SLC30A8: variants seen among roughly 807,000 people sequenced by gnomAD.
SLC30A8 encodes the protein proton-coupled zinc antiporter SLC30A8.
In SLC30A8, 27 loss-of-function variants were observed where a neutral mutation model predicts 36.9. The observed-to-expected ratio is 0.73, with a 90% CI of 0.54 to 1.01. The LOEUF is 1.01. SLC30A8 is among the 50% of genes least tolerant of loss of function. The pLI is 0.00. For synonymous variants in SLC30A8, 164 were observed against 172.4 expected (o/e 0.95, Z 0.38); for missense variants, 439 against 452.0 (o/e 0.97, Z 0.26).
chr8:117,015,452 G>T (rs1421913666), intron 1 of SLC30A8, among the ~76,000 whole-genome samples: 2 of 151,746 alleles, frequency 1.3e-5, no homozygotes, highest in East Asian at 3.8e-4. Flanking sequence ...AAAATATCTG[G>T]TTCATCTTTG....
chr8:117,064,884 C>T (rs114359404), intron 2 of SLC30A8, among the ~76,000 whole-genome samples: 1,781 of 152,194 alleles, frequency 0.012, 51 homozygotes, highest in African/African-American at 0.041. Flanking sequence ...TGGCACTGTT[C>T]GATTTATTGA....
intron 1 of SLC30A8, among the ~76,000 whole-genome samples, chr8:116,958,209 G>A (rs1416959815): frequency 1.3e-5 from 2 of 152,136 alleles, no homozygotes; most frequent in Non-Finnish European, 2.9e-5. Context: ...GCAGGGGTGC[G>A]GTCAACATTG....
At chr8:117,140,157 A>C (rs1464042364) in intron 1 of SLC30A8, among the ~76,000 whole-genome samples, 1 of 152,138 alleles carries the variant, frequency 6.6e-6, no homozygotes, top group Non-Finnish European at 1.5e-5. Flanking sequence ...GGCAGAAGAA[A>C]GAATCACTGA....
chr8:117,015,549 A>C (rs964308803), intron 1 of SLC30A8, among the ~76,000 whole-genome samples: 7 of 148,136 alleles, frequency 4.7e-5, no homozygotes, highest in East Asian at 2.0e-4. Flanking sequence ...CCCCCCCCCC[A>C]AAAAAAAGAG....
At chr8:117,111,762 G>T (rs540834679) in intron 2 of SLC30A8, among the ~76,000 whole-genome samples, 3 of 152,266 alleles carry the variant, frequency 2.0e-5, no homozygotes, top group African/African-American at 7.2e-5. Context: ...AGTCGACCTG[G>T]AGGAAGCCAC....
chr8:117,044,364 C>T (rs1413524322), intron 2 of SLC30A8, among the ~76,000 whole-genome samples: 1 of 152,152 alleles, frequency 6.6e-6, no homozygotes, highest in East Asian at 1.9e-4. Flanking sequence ...TGATGTTATT[C>T]TCTGCAAAAG....
chr8:117,125,670 A>G (rs1820873686), intron 2 of SLC30A8, among the ~76,000 whole-genome samples: 1 of 152,004 alleles, frequency 6.6e-6, no homozygotes, highest in African/African-American at 2.4e-5. Context: ...GAATGATAAA[A>G]TGGAAAAATA....
Position 117,124,728 on chromosome 8 carries a change from T to C in SLC30A8, c.-225-10552T>C, listed in dbSNP as rs112146096. ...ATCAAATACTGTGTGTTCTCACTTA[T>C]AAGTGGGAGCTAAACATTGAGCACA... is the stretch of plus-strand genomic sequence containing the variant. On this transcript the variant is annotated intron_variant, in intron 2 of 10. Coordinates refer to the SLC30A8 transcript ENST00000427715. Among the ~76,000 whole-genome samples the C allele has an allele frequency of 3.4e-3, 463 of 136,336 alleles. 1 individual carries two copies. Among genetic ancestry groups the C allele is most frequent in the African/African-American group, 0.015 (445 of 29,448 alleles). 89.4% of individuals were successfully genotyped at this position (136,336 alleles called of 152,430 possible).
At chr8:117,109,297 A>G (rs189316621) in intron 2 of SLC30A8, among the ~76,000 whole-genome samples, 1 of 152,278 alleles carries the variant, frequency 6.6e-6, no homozygotes, top group East Asian at 1.9e-4. Flanking sequence ...GAAAAGGAGG[A>G]AATAGTGATG....
At chr8:117,071,973 A>G (rs1818345697) in intron 2 of SLC30A8, among the ~76,000 whole-genome samples, 1 of 151,896 alleles carries the variant, frequency 6.6e-6, no homozygotes, top group Non-Finnish European at 1.5e-5. Flanking sequence ...CTGCGTTCTA[A>G]GAGCCTAACT....
At chr8:116,975,382 C>A (rs1436196096) in intron 1 of SLC30A8, among the ~76,000 whole-genome samples, 1 of 152,048 alleles carries the variant, frequency 6.6e-6, no homozygotes, top group Admixed American at 6.6e-5. Context: ...TTAATACATA[C>A]CCTAGTTAAT....
At chr8:117,037,506 C>T (rs985232118) in intron 1 of SLC30A8, among the ~76,000 whole-genome samples, 2 of 152,078 alleles carry the variant, frequency 1.3e-5, no homozygotes, top group East Asian at 1.9e-4. Context: ...TACCACTGCC[C>T]CCCTCACCCA....
At chr8:117,059,673 G>A (rs759129111) in intron 2 of SLC30A8, among the ~76,000 whole-genome samples, 7 of 152,196 alleles carry the variant, frequency 4.6e-5, no homozygotes, top group African/African-American at 7.2e-5. Context: ...ACGATAGATC[G>A]TAGTGGTGGA....
At chr8:116,950,496 T>A (rs2130565854), upstream of SLC30A8, 1 of 152,358 alleles carries the variant, frequency 6.6e-6, no homozygotes, top group Non-Finnish European at 1.5e-5. Context: ...GCCATTTTGT[T>A]TTTTGGCAAC....
At chr8:117,035,790 G>A (rs1452133481) in intron 1 of SLC30A8, among the ~76,000 whole-genome samples, 2 of 152,298 alleles carry the variant, frequency 1.3e-5, no homozygotes, top group East Asian at 3.9e-4. Flanking sequence ...CTTGAATTCT[G>A]TGTACTGGAA....
At chr8:116,988,808 C>T (rs942287694) in intron 1 of SLC30A8, among the ~76,000 whole-genome samples, 1 of 152,204 alleles carries the variant, frequency 6.6e-6, no homozygotes, top group Admixed American at 6.5e-5. Context: ...ACATTGGCAA[C>T]TATACTTGCC....
At chr8:117,170,341 T>C (rs1266554787) in intron 6 of SLC30A8, among the ~76,000 whole-genome samples, 2 of 152,154 alleles carry the variant, frequency 1.3e-5, no homozygotes, top group Non-Finnish European at 2.9e-5. Context: ...GTGTTGTTTG[T>C]ACATAACTGA....
chr8:117,015,699 A>G (rs1042599852), intron 1 of SLC30A8, among the ~76,000 whole-genome samples: 3 of 152,064 alleles, frequency 2.0e-5, no homozygotes, highest in Non-Finnish European at 4.4e-5. Flanking sequence ...CTGTCTTAGG[A>G]TCAGTGTTTG....
chr8:117,111,672 T>C (rs1388540615), intron 2 of SLC30A8, among the ~76,000 whole-genome samples: 1 of 152,114 alleles, frequency 6.6e-6, no homozygotes, highest in African/African-American at 2.4e-5. Context: ...CCACTGGCGC[T>C]GCAAAGCTAC....
Sources: gnomAD v4.1 joint callset for allele counts (sites outside exome capture counted in the v4.1 genomes callset) on GRCh38, gnomAD v4.1.1 for gene constraint, MANE v1.5 for transcripts, NCBI Gene and HGNC (gene_info 2026-07-23, HGNC 2026-07-21) for gene names.